The following PCDHGA10 variants were observed in gnomAD, a reference collection of about 807,000 sequenced individuals.
The protein encoded by PCDHGA10 is protocadherin gamma subfamily A, 10.
A neutral mutation model predicts 59.5 loss-of-function variants in PCDHGA10; 42 were observed. That is an observed-to-expected ratio of 0.71 (90% CI 0.55 to 0.91). The LOEUF (loss-of-function observed/expected upper bound fraction) is 0.91. PCDHGA10 is among the 40% of genes least tolerant of loss of function. PCDHGA10 has a pLI of 0.00. For missense variants in PCDHGA10, 1,111 were observed against 1,198.2 expected (o/e 0.93, Z 1.07); for synonymous variants, 511 against 517.2 (o/e 0.99, Z 0.16).
chr5:141,489,364 G>A lies in PCDHGA10; in HGVS notation c.2437-5443G>A, dbSNP rs2099686163. On this transcript the variant is annotated intron_variant, in intron 1 of 3. Coordinates refer to ENST00000398610, the MANE Select transcript of PCDHGA10 (RefSeq NM_018913.3). The surrounding 1 kb of genome is among the most constrained non-coding windows in gnomAD (Gnocchi z 4.5). The stretch of plus-strand genomic sequence containing the variant: ...CTCAGTGGTGGAGGAGTCTGAGCCG[G>A]GGACGCTGGTGGGGAATGTTGCTCA... 1 of 1,613,450 alleles carries A rather than the reference G, an allele frequency of 6.2e-7. No homozygotes were observed. The highest frequency in any genetic ancestry group is 1.1e-5 in the South Asian group (1 of 91,042).
At chr5:141,488,273 C>A (rs1411817846) in intron 1 of PCDHGA10, among the ~76,000 whole-genome samples, 6 of 152,256 alleles carry the variant, frequency 3.9e-5, no homozygotes, top group East Asian at 1.9e-4. Flanking sequence ...TTGGTCATCA[C>A]CTTTGGAAAA....
intron 1 of PCDHGA10, chr5:141,430,691 G>A (rs1479214920): frequency 7.1e-7 from 1 of 1,416,592 alleles, no homozygotes; most frequent in Non-Finnish European, 9.4e-7. Context: ...CCATTCTATG[G>A]GCGAAGGAAC....
At chr5:141,468,194 G>A (rs959390749) in intron 1 of PCDHGA10, among the ~76,000 whole-genome samples, 21 of 151,716 alleles carry the variant, frequency 1.4e-4, no homozygotes, top group South Asian at 2.1e-4. Flanking sequence ...GCATGGTGGC[G>A]GGTGCCTGTA....
intron 1 of PCDHGA10, chr5:141,417,974 G>A: frequency 6.2e-7 from 1 of 1,613,856 alleles, no homozygotes. Flanking sequence ...CTCGATTCCG[G>A]AGGAGCTGGC....
At position 141,413,090 on chromosome 5, in the gene PCDHGA10, C is replaced by A; in HGVS notation, c.-86C>A. The A allele has an allele frequency of 1.4e-6, 2 of 1,391,312 alleles. No homozygotes were observed. Among genetic ancestry groups the A allele is most frequent in the Non-Finnish European group, 1.9e-6 (2 of 1,025,802 alleles). The allele number at this position is 1,391,312 out of a possible 1,614,324, so 86.2% of individuals were successfully genotyped here. ...TAAAGTGCCCAGGCTACAGAGACAC[C>A]CTGAAGCCACAGAAAGACAAAGGAA... is the stretch of plus-strand genomic sequence containing the variant. On this transcript the variant is annotated 5_prime_UTR_variant, in exon 1 of 4. Coordinates refer to ENST00000398610, the MANE Select transcript of PCDHGA10 (RefSeq NM_018913.3).
At chr5:141,419,170 C>T (rs758796140) in intron 1 of PCDHGA10, 4 of 1,613,966 alleles carry the variant, frequency 2.5e-6, no homozygotes, top group Non-Finnish European at 3.4e-6. Context: ...CCAGCAAAAC[C>T]ATAACCCTGC....
intron 1 of PCDHGA10, chr5:141,423,261 C>T (rs1181343306): frequency 6.2e-7 from 1 of 1,613,870 alleles, no homozygotes; most frequent in Non-Finnish European, 8.5e-7. Flanking sequence ...ACCTCGGCAG[C>T]CTCGAGTCTC....
chr5:141,452,015 C>T (rs2098730990), intron 1 of PCDHGA10, among the ~76,000 whole-genome samples: 1 of 152,306 alleles, frequency 6.6e-6, no homozygotes, highest in African/African-American at 2.4e-5. Context: ...GTCCAGCCCA[C>T]ACTCTGGGGA....
chr5:141,444,410 A>G (rs2098435910), intron 1 of PCDHGA10, among the ~76,000 whole-genome samples: 1 of 151,922 alleles, frequency 6.6e-6, no homozygotes, highest in African/African-American at 2.4e-5. Flanking sequence ...ACCTCAGGTG[A>G]TCTTCCCTCC....
chr5:141,429,169 T>TACGC (rs2097190400), intron 1 of PCDHGA10: 1 of 145,394 alleles, frequency 6.9e-6, no homozygotes, highest in Non-Finnish European at 1.5e-5. Flanking sequence ...ACATTGTTTA[T>TACGC]ACACACACAC....
intron 1 of PCDHGA10, among the ~76,000 whole-genome samples, chr5:141,472,242 A>T (rs1342571385): frequency 6.6e-6 from 1 of 152,186 alleles, no homozygotes; most frequent in East Asian, 1.9e-4. Flanking sequence ...TTCACTTTCT[A>T]TTTTAAAGTT....
rs1160304959 is a variant in PCDHGA10, at chr5:141,490,969, C to A, written c.2437-3838C>A. On this transcript the variant is annotated intron_variant, in intron 1 of 3. Coordinates refer to ENST00000398610, the MANE Select transcript of PCDHGA10 (RefSeq NM_018913.3). This position sits in a 1 kb window ranked among gnomAD's most constrained non-coding sequence, Gnocchi z 5.4. ...GCCAGACTGGGAACACTCAGCCCCC[C>A]AGCGTCTCCCTCGCTCTGCTCCTCC... The A allele has an allele frequency of 2.5e-6, 4 of 1,613,820 alleles. No individual in the cohort carries two copies. In the African/African-American group the frequency reaches 4.0e-5, roughly 16 times the overall value.
intron 1 of PCDHGA10, chr5:141,475,983 C>A: frequency 9.5e-7 from 1 of 1,049,244 alleles, no homozygotes; most frequent in Non-Finnish European, 1.4e-6. Context: ...GAACAGCCGG[C>A]GAGCAAATCA....
chr5:141,481,897 G>A (rs916673176), intron 1 of PCDHGA10, among the ~76,000 whole-genome samples: 3 of 128,712 alleles, frequency 2.3e-5, no homozygotes, highest in South Asian at 5.0e-4. Context: ...CTGGGTGAAA[G>A]AGCGAAACTC....
Position 141,423,358 on chromosome 5 carries a change from G to A in PCDHGA10, c.2436+7747G>A, listed in dbSNP as rs202010010. The A allele has an allele frequency of 2.3e-4, 371 of 1,614,078 alleles. 1 individual carries two copies. The highest frequency in any genetic ancestry group is 2.8e-4 in the Non-Finnish European group (334 of 1,180,024). ...CTGCATCTTCCTGGTCTTTGTCATC[G>A]TGCTGCTGGCACTCAGGCTGTGGCG... On this transcript the variant is annotated intron_variant, in intron 1 of 3. Coordinates refer to ENST00000398610, the MANE Select transcript of PCDHGA10 (RefSeq NM_018913.3).
At position 141,477,415 on chromosome 5, in the gene PCDHGA10, A is replaced by T. The variant is rs771293212; in HGVS notation, c.2437-17392A>T. On this transcript the variant is annotated intron_variant, in intron 1 of 3. Coordinates refer to ENST00000398610, the MANE Select transcript of PCDHGA10 (RefSeq NM_018913.3). This position sits in a 1 kb window ranked among gnomAD's most constrained non-coding sequence, Gnocchi z 4.9. ...TCAGCATCACCGCCCGAGACGCCGG[A>T]ACCCCTTCCCTCTCAGCCCTTACAA... 12 of 1,614,162 alleles carry T rather than the reference A, an allele frequency of 7.4e-6. No individual in the cohort carries two copies. The highest frequency in any genetic ancestry group is 1.0e-5 in the Non-Finnish European group (12 of 1,180,020).
rs369794418 is a variant in PCDHGA10, at chr5:141,497,143, G to A, written c.2495+2278G>A. Among the ~76,000 whole-genome samples the A allele has an allele frequency of 7.3e-5, 11 of 150,108 alleles. No individual in the cohort carries two copies. In the East Asian group the frequency reaches 1.6e-3, roughly 21 times the overall value. On this transcript the variant is annotated intron_variant, in intron 2 of 3. Coordinates refer to ENST00000398610, the MANE Select transcript of PCDHGA10 (RefSeq NM_018913.3). ...AGAGGTTGCAGTGAGCTGAGATCAC[G>A]AAAAAAAAATAATCTAGCCACAAAT...
At position 141,485,359 on chromosome 5, in the gene PCDHGA10, C is replaced by G. The variant is rs1233826208; in HGVS notation, c.2437-9448C>G. 6.2e-7 allele frequency: 1 copy of G among 1,614,026 alleles called. No individual in the cohort carries two copies. The highest frequency in any genetic ancestry group is 8.5e-7 in the Non-Finnish European group (1 of 1,180,018). On this transcript the variant is annotated intron_variant, in intron 1 of 3. Transcript: ENST00000398610. This position sits in a 1 kb window ranked among gnomAD's most constrained non-coding sequence, Gnocchi z 5.7. ...TGGATACGGACAGTCTGTCAGCTCG[C>G]AGGCTGCAGGTCGCTGGAGAGGTGA...
At chr5:141,471,073 G>A (rs2099249169) in intron 1 of PCDHGA10, among the ~76,000 whole-genome samples, 2 of 143,298 alleles carry the variant, frequency 1.4e-5, no homozygotes, top group Non-Finnish European at 3.0e-5. Flanking sequence ...TTTTGAGACA[G>A]GGTCTCCCTC....
Sources: gnomAD v4.1 joint callset for allele counts (sites outside exome capture counted in the v4.1 genomes callset) on GRCh38, gnomAD v4.1.1 for gene constraint, Gnocchi (gnomAD v3.1) non-coding constraint, MANE v1.5 for transcripts, NCBI Gene and HGNC (gene_info 2026-07-23, HGNC 2026-07-21) for gene names.